CDYL: variants seen among roughly 807,000 people sequenced by gnomAD.
CDYL encodes the protein chromodomain Y like, also known as chromodomain Y-like protein.
CDYL carries 8 observed loss-of-function variants against 47.3 expected under a neutral mutation model. That is an observed-to-expected ratio of 0.17 (90% CI 0.10 to 0.31). CDYL has a LOEUF of 0.31. Ranked by LOEUF, CDYL falls within the 10% of genes least tolerant of loss-of-function variation. The pLI is 1.00. For missense variants in CDYL, 471 were observed against 701.4 expected (o/e 0.67, Z 3.71); for synonymous variants, 266 against 265.0 (o/e 1.00, Z -0.04).
intron 1 of CDYL, among the ~76,000 whole-genome samples, chr6:4,835,878 G>C (rs143857929): frequency 2.5e-3 from 376 of 152,304 alleles, no homozygotes; most frequent in Middle Eastern, 0.014. Context: ...AGGACCCTCC[G>C]AGCCAGGTGC....
chr6:4,782,597 C>T (rs1190241084), intron 1 of CDYL, among the ~76,000 whole-genome samples: 6 of 152,140 alleles, frequency 3.9e-5, no homozygotes, highest in African/African-American at 1.4e-4. Context: ...CTGGGGAGGG[C>T]CTATTATGAG....
chr6:4,777,558 C>T (rs955384886), intron 1 of CDYL, among the ~76,000 whole-genome samples: 3 of 152,130 alleles, frequency 2.0e-5, no homozygotes, highest in Non-Finnish European at 2.9e-5. Context: ...AGTAGACTTC[C>T]TGGGAGTACA....
intron 1 of CDYL, among the ~76,000 whole-genome samples, chr6:4,783,637 G>A (rs1316118396): frequency 2.6e-5 from 4 of 151,940 alleles, no homozygotes; most frequent in South Asian, 4.2e-4. Flanking sequence ...GGCTAGTCTC[G>A]AACTCCTGAC....
chr6:4,855,728 CATAGA>C (rs1183565294), intron 1 of CDYL, among the ~76,000 whole-genome samples: 2 of 152,226 alleles, frequency 1.3e-5, no homozygotes, highest in East Asian at 3.8e-4. Context: ...TGAAAAGCTT[CATAGA>C]ATACTAACCT....
intron 2 of CDYL, among the ~76,000 whole-genome samples, chr6:4,912,009 C>T (rs916394038): frequency 6.6e-6 from 1 of 152,220 alleles, no homozygotes; most frequent in Non-Finnish European, 1.5e-5. Flanking sequence ...TTCTCCTGAG[C>T]AGGTGTCATT....
intron 2 of CDYL, chr6:4,734,664 AGGGATGGGAAGTTGG>A: frequency 6.6e-7 from 1 of 1,504,524 alleles, no homozygotes; most frequent in Non-Finnish European, 9.0e-7. Context: ...GGGAGGGCAC[AGGGATGGGAAGTTGG>A]GGGATGGGGA....
rs969429540 is a variant in CDYL at position 4,878,645 on chromosome 6, G to A, written c.25-13068G>A. ...CTGTAGTGTTATTCTCTTATATTTC[G>A]ATATTGGTAGTGTGTGTTTTATTTC... On this transcript the variant is annotated intron_variant, in intron 1 of 6. Transcript: ENST00000397588. Among the ~76,000 whole-genome samples, 8 of 151,846 alleles carry A rather than the reference G, an allele frequency of 5.3e-5. No individual in the cohort carries two copies. In the South Asian group the frequency reaches 6.2e-4, roughly 12 times the overall value.
chr6:4,813,408 T>G (rs996838401), intron 1 of CDYL, among the ~76,000 whole-genome samples: 4 of 152,248 alleles, frequency 2.6e-5, no homozygotes, highest in Non-Finnish European at 4.4e-5. Context: ...AATTTGATGG[T>G]GTGCTTTTGC....
chr6:4,742,768 A>G (rs779050581), intron 3 of CDYL, among the ~76,000 whole-genome samples: 6 of 152,162 alleles, frequency 3.9e-5, no homozygotes, highest in Non-Finnish European at 5.9e-5. Flanking sequence ...TTGCCCTCTC[A>G]GGGGTTTTTC....
intron 2 of CDYL, among the ~76,000 whole-genome samples, chr6:4,926,354 C>T (rs774590237): frequency 2.0e-5 from 3 of 152,158 alleles, no homozygotes; most frequent in African/African-American, 7.2e-5. Context: ...ACTCCATAAA[C>T]GGAGAGCTAT....
rs1279624054 is a variant in CDYL, at chr6:4,758,169, G to A, written c.186+23325G>A. Among the ~76,000 whole-genome samples, 3 of 146,488 alleles carry A rather than the reference G, an allele frequency of 2.0e-5. No homozygotes were observed. In the Admixed American group the frequency reaches 2.1e-4, roughly 10 times the overall value. On this transcript the variant is annotated intron_variant, in intron 3 of 8. Coordinates refer to the CDYL transcript ENST00000328908. ...AGCCTGGCCAATATGGTGAAATCCT[G>A]TCTCTACTAAAAATACAAAAATAGC...
chr6:4,860,756 A>C (rs909994241), intron 1 of CDYL, among the ~76,000 whole-genome samples: 1 of 151,934 alleles, frequency 6.6e-6, no homozygotes, highest in Non-Finnish European at 1.5e-5. Flanking sequence ...TGAGTCCCCA[A>C]ACTGAAGAAC....
intron 1 of CDYL, among the ~76,000 whole-genome samples, chr6:4,858,367 A>G (rs1176170004): frequency 6.6e-6 from 1 of 152,190 alleles, no homozygotes; most frequent in Non-Finnish European, 1.5e-5. Context: ...GCGAACACAA[A>G]CACAGTCCTG....
At position 4,903,926 on chromosome 6, in the gene CDYL, G is replaced by A. The variant is rs147234156; in HGVS notation, c.691+11547G>A. On this transcript the variant is annotated intron_variant, in intron 2 of 6. Transcript: ENST00000397588. ...AAGCTCCATGCCTCTTCATAGGCAC[G>A]TTGCCATGTACCACATGGCAGGCAG... Among the ~76,000 whole-genome samples, 735 of 152,328 alleles carry A rather than the reference G, an allele frequency of 4.8e-3. 3 individuals carry two copies. The highest frequency in any genetic ancestry group is 6.8e-3 in the Middle Eastern group (2 of 294).
Position 4,829,149 on chromosome 6 carries a change from TTTG to T in CDYL, c.24+52351_24+52353del, listed in dbSNP as rs572280050. On this transcript the variant is annotated intron_variant, in intron 1 of 6. Transcript: ENST00000397588. Reference sequence around the variant, plus strand: ...ATTTCTTTATATGCTTTGTGGGGTTTTTGTTGTTGTTACTGTTGAAAACTGCAC... The same window carrying T: ...ATTTCTTTATATGCTTTGTGGGGTTTTTGTTGTTACTGTTGAAAACTGCAC... Among the ~76,000 whole-genome samples, 621 of 152,316 alleles carry T rather than the reference TTTG, an allele frequency of 4.1e-3. 1 individual carries two copies. Among genetic ancestry groups the T allele is most frequent in the African/African-American group, 0.014 (579 of 41,570 alleles).
chr6:4,939,988 C>T (rs1465587624), intron 4 of CDYL, among the ~76,000 whole-genome samples: 4 of 149,696 alleles, frequency 2.7e-5, no homozygotes, highest in East Asian at 2.0e-4. Context: ...GCTGGTGCCT[C>T]GCCGGGTGCA....
chr6:4,924,849 A>G (rs1015136853), intron 2 of CDYL, among the ~76,000 whole-genome samples: 1 of 152,250 alleles, frequency 6.6e-6, no homozygotes, highest in Admixed American at 6.5e-5. Context: ...GATTAGAGGT[A>G]CAGCCCACAA....
intron 1 of CDYL, among the ~76,000 whole-genome samples, chr6:4,819,132 C>CTCTCTT (rs1759755795): frequency 7.3e-6 from 1 of 136,456 alleles, no homozygotes; most frequent in Non-Finnish European, 1.5e-5. Context: ...CTCTCTCTCT[C>CTCTCTT]TCTCTCTCTC....
intron 3 of CDYL, among the ~76,000 whole-genome samples, chr6:4,755,949 TC>T (rs1285694753): frequency 1.3e-5 from 2 of 152,220 alleles, no homozygotes; most frequent in Non-Finnish European, 2.9e-5. Flanking sequence ...GTACCGTAAT[TC>T]TCCTTCATAT....
Sources: gnomAD v4.1 joint callset for allele counts (sites outside exome capture counted in the v4.1 genomes callset) on GRCh38, gnomAD v4.1.1 for gene constraint, MANE v1.5 for transcripts, NCBI Gene and HGNC (gene_info 2026-07-23, HGNC 2026-07-21) for gene names.